EXOC6: variants seen among roughly 807,000 people sequenced by gnomAD.
EXOC6 encodes SEC15-like 1.
In EXOC6, 60 loss-of-function variants were observed where a neutral mutation model predicts 112.5. That is an observed-to-expected ratio of 0.53 (90% CI 0.43 to 0.66). EXOC6 has a LOEUF of 0.66. Among genes scored for constraint, EXOC6 ranks in the 30% least tolerant of loss-of-function variants. The pLI, the probability that EXOC6 is intolerant of heterozygous loss-of-function variation, is 0.00. For missense variants in EXOC6, 855 were observed against 957.1 expected, an observed-to-expected ratio of 0.89 and a Z score of 1.41; for synonymous variants, 295 against 308.0, an observed-to-expected ratio of 0.96 and a Z score of 0.44.
At position 92,875,325 on chromosome 10, in the gene EXOC6, C is replaced by T. The variant is rs760744987; in HGVS notation, c.102-18024C>T. Among the ~76,000 whole-genome samples, 4 of 152,106 alleles carry T rather than the reference C, an allele frequency of 2.6e-5. No homozygotes were observed. The East Asian group carries it at 5.8e-4, about 22-fold the overall frequency. ...TTATTGAATTCTCCTATTTCCTCCA[C>T]GAAATTTTTCCATCTTAGAATACTG... is the stretch of plus-strand genomic sequence containing the variant. On this transcript the variant is annotated intron_variant, in intron 1 of 21. Transcript: ENST00000260762.
At chr10:92,931,630 G>C (rs1351013214) in intron 9 of EXOC6, among the ~76,000 whole-genome samples, 1 of 151,036 alleles carries the variant, frequency 6.6e-6, no homozygotes, top group Admixed American at 6.6e-5. Context: ...ATGGACAAAA[G>C]ATTTGAATAG....
chr10:92,945,420 G>T (rs1852936503), intron 13 of EXOC6, among the ~76,000 whole-genome samples: 1 of 151,988 alleles, frequency 6.6e-6, no homozygotes, highest in African/African-American at 2.4e-5. Context: ...GTGCTTTTGG[G>T]GTTATATTTT....
At chr10:93,052,996 G>A (rs1410906262) in intron 20 of EXOC6, among the ~76,000 whole-genome samples, 1 of 152,162 alleles carries the variant, frequency 6.6e-6, no homozygotes, top group Non-Finnish European at 1.5e-5. Context: ...CCATCTGAAG[G>A]AAGCAAAACT....
intron 1 of EXOC6, among the ~76,000 whole-genome samples, chr10:92,857,592 C>T (rs1004915826): frequency 6.6e-6 from 1 of 152,180 alleles, no homozygotes; most frequent in Non-Finnish European, 1.5e-5. Context: ...TTTGCTCCCA[C>T]ATACATCCTT....
chr10:92,871,660 A>G (rs1403400349), intron 1 of EXOC6, among the ~76,000 whole-genome samples: 1 of 151,954 alleles, frequency 6.6e-6, no homozygotes, highest in Non-Finnish European at 1.5e-5. Context: ...TACAAAAATT[A>G]GCTGGGCGTG....
intron 1 of EXOC6, among the ~76,000 whole-genome samples, chr10:92,877,603 T>G (rs1413665726): frequency 2.0e-5 from 3 of 152,158 alleles, no homozygotes; most frequent in Admixed American, 6.5e-5. Flanking sequence ...GGAATTGCCT[T>G]TTTCAACTTC....
At chr10:92,989,170 G>A (rs1381616697) in intron 18 of EXOC6, among the ~76,000 whole-genome samples, 2 of 152,134 alleles carry the variant, frequency 1.3e-5, no homozygotes, top group East Asian at 1.9e-4. Flanking sequence ...ACTTAACACA[G>A]TGTCTTACAC....
chr10:92,831,481 T>C, upstream of EXOC6: 2 of 435,714 alleles, frequency 4.6e-6, no homozygotes, highest in Non-Finnish European at 7.5e-6. Context: ...TCACTCAGGC[T>C]GGAGTACAAT....
At chr10:92,861,793 A>T (rs142368745) in intron 1 of EXOC6, among the ~76,000 whole-genome samples, 66 of 152,284 alleles carry the variant, frequency 4.3e-4, no homozygotes, top group African/African-American at 1.5e-3. Context: ...CTTTTCCTGT[A>T]TGCTCTTAGG....
intron 18 of EXOC6, among the ~76,000 whole-genome samples, chr10:92,977,511 A>T (rs1842674045): frequency 6.6e-6 from 1 of 152,120 alleles, no homozygotes; most frequent in Non-Finnish European, 1.5e-5. Context: ...GAAAAAGGAA[A>T]TCTATAAATA....
rs768605903 is a variant in EXOC6 at position 92,915,738 on chromosome 10, T to C, written c.664-20T>C. 2 of 1,489,948 alleles carry C rather than the reference T, an allele frequency of 1.3e-6. No individual in the cohort carries two copies. The allele number at this position is 1,489,948 out of a possible 1,614,324, so 92.3% of individuals were successfully genotyped here. On this transcript the variant is annotated intron_variant, in intron 6 of 21. Coordinates refer to ENST00000260762, the MANE Select transcript of EXOC6 (RefSeq NM_019053.6). ...ATAATCAGTTTTGAAATAATCTGAA[T>C]TTCTCTCTCTTCAAAATAGGCACAG... is the stretch of plus-strand genomic sequence containing the variant.
chr10:92,940,838 A>G lies in EXOC6; in HGVS notation c.1310+14A>G. The G allele has an allele frequency of 6.7e-7, 1 of 1,499,998 alleles. No homozygotes were observed. Among genetic ancestry groups the G allele is most frequent in the Non-Finnish European group, 9.2e-7 (1 of 1,081,908 alleles). The allele number at this position is 1,499,998 out of a possible 1,614,324, so 92.9% of individuals were successfully genotyped here. On this transcript the variant is annotated intron_variant, in intron 13 of 21. Coordinates refer to ENST00000260762, the MANE Select transcript of EXOC6 (RefSeq NM_019053.6). ...TGGAGTTTTCAGGTTAGTCTAAGTC[A>G]TGGTGCCTTAATATAATGAATATGT...
At chr10:92,957,651 A>C (rs1452853661) in intron 17 of EXOC6, among the ~76,000 whole-genome samples, 2 of 152,248 alleles carry the variant, frequency 1.3e-5, no homozygotes, top group East Asian at 3.9e-4. Flanking sequence ...TCTGTTTTCT[A>C]ATATGTGAGC....
At chr10:93,016,927 C>G (rs1844550379) in intron 20 of EXOC6, among the ~76,000 whole-genome samples, 1 of 151,990 alleles carries the variant, frequency 6.6e-6, no homozygotes, top group East Asian at 1.9e-4. Flanking sequence ...ATTCTCCTGC[C>G]TCAGCCTCCC....
chr10:92,960,173 T>G (rs562642287), intron 17 of EXOC6, among the ~76,000 whole-genome samples: 105 of 152,296 alleles, frequency 6.9e-4, no homozygotes, highest in African/African-American at 2.4e-3. Context: ...GGAATATTAT[T>G]AAGTACTAAA....
chr10:92,971,462 C>T (rs1842294567), intron 17 of EXOC6, among the ~76,000 whole-genome samples: 1 of 151,982 alleles, frequency 6.6e-6, no homozygotes, highest in South Asian at 2.1e-4. Flanking sequence ...GTAACCTCAG[C>T]CTCCCAGGTT....
chr10:92,905,466 T>C (rs1850389797), intron 5 of EXOC6, among the ~76,000 whole-genome samples: 1 of 152,056 alleles, frequency 6.6e-6, no homozygotes, highest in African/African-American at 2.4e-5. Flanking sequence ...CTATCAGAGT[T>C]GGTATTAGTT....
At chr10:92,826,894 A>G (rs946239448) in exon 1 of EXOC6, among the ~76,000 whole-genome samples, 21 of 152,340 alleles carry the variant, frequency 1.4e-4, no homozygotes, top group Admixed American at 9.1e-4. Flanking sequence ...CATGCCTGGT[A>G]AAGTGTGAGG....
intron 13 of EXOC6, among the ~76,000 whole-genome samples, chr10:92,947,779 C>G (rs1853124515): frequency 6.6e-6 from 1 of 152,156 alleles, no homozygotes; most frequent in South Asian, 2.1e-4. Context: ...GTGGCACGCG[C>G]CTGTAGTCCA....
Sources: gnomAD v4.1 joint callset for allele counts (sites outside exome capture counted in the v4.1 genomes callset) on GRCh38, gnomAD v4.1.1 for gene constraint, MANE v1.5 for transcripts, NCBI Gene and HGNC (gene_info 2026-07-23, HGNC 2026-07-21) for gene names.